PDE10A: variants seen among roughly 807,000 people sequenced by gnomAD.
PDE10A encodes the protein cAMP and cAMP-inhibited cGMP 3',5'-cyclic phosphodiesterase 10A.
A neutral mutation model predicts 97.7 loss-of-function variants in PDE10A; 39 were observed. The observed-to-expected ratio is 0.40, with a 90% CI of 0.31 to 0.52. The LOEUF (loss-of-function observed/expected upper bound fraction) is 0.52, where lower values mean the gene tolerates loss of function less well. Among genes scored for constraint, PDE10A ranks in the 20% least tolerant of loss-of-function variants. The pLI is 0.56. For synonymous variants in PDE10A, 371 were observed against 376.8 expected (o/e 0.98, Z 0.18); for missense variants, 731 against 1,047.8 (o/e 0.70, Z 4.17).
chr6:165,902,421 C>T (rs1782139033), intron 1 of PDE10A, among the ~76,000 whole-genome samples: 1 of 152,194 alleles, frequency 6.6e-6, no homozygotes, highest in African/African-American at 2.4e-5. Context: ...TGTTTTTTAT[C>T]CCAATTGGTG....
At chr6:165,681,224 A>T (rs1465518011) in intron 1 of PDE10A, among the ~76,000 whole-genome samples, 1 of 152,220 alleles carries the variant, frequency 6.6e-6, no homozygotes, top group African/African-American at 2.4e-5. Context: ...TGATTAAATC[A>T]CTTTTCCAGA....
chr6:165,594,841 A>G (rs540621110), intron 1 of PDE10A, among the ~76,000 whole-genome samples: 2 of 152,320 alleles, frequency 1.3e-5, no homozygotes, highest in East Asian at 3.9e-4. Context: ...CGCAATGGTA[A>G]TTTGTGCCAA....
At chr6:165,429,206 T>C (rs554173800) in intron 9 of PDE10A, among the ~76,000 whole-genome samples, 2 of 152,206 alleles carry the variant, frequency 1.3e-5, no homozygotes, top group South Asian at 2.1e-4. Context: ...ATACAAGTAA[T>C]GCTATGGATC....
intron 1 of PDE10A, among the ~76,000 whole-genome samples, chr6:165,555,242 C>G (rs945278455): frequency 6.6e-6 from 1 of 152,148 alleles, no homozygotes; most frequent in Non-Finnish European, 1.5e-5. Context: ...GTGCTTCTTT[C>G]ACATTGCATG....
At chr6:165,636,697 G>A (rs1788894839) in intron 1 of PDE10A, among the ~76,000 whole-genome samples, 1 of 152,220 alleles carries the variant, frequency 6.6e-6, no homozygotes, top group African/African-American at 2.4e-5. Flanking sequence ...AAACTGGATA[G>A]ACTGTTTATG....
At chr6:165,734,666 G>T (rs537409156) in intron 1 of PDE10A, among the ~76,000 whole-genome samples, 1 of 152,106 alleles carries the variant, frequency 6.6e-6, no homozygotes, top group Non-Finnish European at 1.5e-5. Context: ...GGACTGAGGC[G>T]TCCCCAGAGT....
intron 2 of PDE10A, among the ~76,000 whole-genome samples, chr6:165,493,007 T>C (rs1040075178): frequency 6.6e-6 from 1 of 152,100 alleles, no homozygotes; most frequent in African/African-American, 2.4e-5. Flanking sequence ...ACAAAATTAA[T>C]GTACACAAAT....
In PDE10A at chr6:165,662,006, T is replaced by G; in HGVS notation, c.806A>C (p.Asp269Ala). The G allele has an allele frequency of 6.8e-7, 1 of 1,480,992 alleles. No homozygotes were observed. Among genetic ancestry groups the G allele is most frequent in the South Asian group, 1.2e-5 (1 of 80,666 alleles). 91.7% of individuals were successfully genotyped at this position (1,480,992 alleles called of 1,614,324 possible). The change falls in exon 1 of 22, where the codon GAT becomes GCT. Residue 269 changes from aspartate to alanine, a missense_variant. Asp to Ala is a moderately radical substitution (Grantham distance 126). This residue lies in a region of PDE10A where 181 missense variants were observed against 159.1 expected (regional missense o/e 1.14). Coordinates refer to ENST00000539869, the MANE Select transcript of PDE10A (RefSeq NM_001385079.1). ...GCAGCTCGCATTATTAGAAGGTCCA[T>G]CTTCCATGTCGGAGCCGAAGAGCAG... is the stretch of plus-strand genomic sequence containing the variant. ...AALLFGSDME[D>A]GPSNNASCFR...
intron 18 of PDE10A, among the ~76,000 whole-genome samples, chr6:165,349,544 A>G (rs2128185412): frequency 6.6e-6 from 1 of 152,342 alleles, no homozygotes; most frequent in Non-Finnish European, 1.5e-5. Context: ...GGTAGAAAAG[A>G]AAAACCAATT....
chr6:165,549,751 A>G (rs1000086991), intron 1 of PDE10A, among the ~76,000 whole-genome samples: 1 of 152,224 alleles, frequency 6.6e-6, no homozygotes, highest in Non-Finnish European at 1.5e-5. Flanking sequence ...TTATCCTAAT[A>G]AGCCAAAGCC....
chr6:165,844,526 T>C (rs1780354267), intron 1 of PDE10A, among the ~76,000 whole-genome samples: 2 of 152,220 alleles, frequency 1.3e-5, no homozygotes, highest in Admixed American at 1.3e-4. Flanking sequence ...CACCCTCTAA[T>C]TGAACCTGAG....
chr6:165,436,788 A>G (rs1003574146), intron 5 of PDE10A, among the ~76,000 whole-genome samples: 1 of 152,192 alleles, frequency 6.6e-6, no homozygotes, highest in Non-Finnish European at 1.5e-5. Context: ...CTATAATTAC[A>G]TTAGGCACCA....
At chr6:165,490,091 A>G (rs888736734) in intron 2 of PDE10A, among the ~76,000 whole-genome samples, 2 of 152,258 alleles carry the variant, frequency 1.3e-5, no homozygotes, top group Non-Finnish European at 2.9e-5. Context: ...AGAAGGTCAA[A>G]GAACACCTGA....
In PDE10A at chr6:165,388,376, G is replaced by A. The variant is rs139267725; in HGVS notation, c.2532C>T (p.Phe844=). ...AGTAGAGAGCGGCCAGAGGGTGGTC[G>A]AACTTCTGCAGGTAGCTGTTACTGA... is the stretch of plus-strand genomic sequence containing the variant. The part of the protein sequence containing the change: ...RGFSNSYLQK[F]DHPLAALYST... The change falls in exon 17 of 22, where the codon TTC becomes TTT. Residue 844 remains phenylalanine (F), a synonymous_variant. Coordinates refer to ENST00000539869, the MANE Select transcript of PDE10A (RefSeq NM_001385079.1). This position sits in a 1 kb window ranked among gnomAD's most constrained non-coding sequence, Gnocchi z 4.0. 3.7e-4 allele frequency: 605 copies of A among 1,614,038 alleles called. 3 individuals carry two copies. The Middle Eastern group carries it at 0.012, about 32-fold the overall frequency.
intron 2 of PDE10A, among the ~76,000 whole-genome samples, chr6:165,495,935 A>T (rs1562520752): frequency 6.6e-6 from 1 of 152,164 alleles, no homozygotes; most frequent in Non-Finnish European, 1.5e-5. Context: ...CTGTCAATAA[A>T]CTTGATAAAT....
intron 18 of PDE10A, among the ~76,000 whole-genome samples, chr6:165,363,351 C>T (rs1203060580): frequency 1.3e-5 from 2 of 151,904 alleles, no homozygotes; most frequent in African/African-American, 4.8e-5. Context: ...CCCGTCTCTA[C>T]TAAAAATACA....
intron 1 of PDE10A, among the ~76,000 whole-genome samples, chr6:165,921,647 A>G (rs1782755895): frequency 6.6e-6 from 1 of 152,210 alleles, no homozygotes; most frequent in Non-Finnish European, 1.5e-5. Context: ...ATACCTGGAA[A>G]GAGGCTGTTC....
At chr6:165,488,029 CAAAA>C (rs58319021) in intron 2 of PDE10A, among the ~76,000 whole-genome samples, 2,153 of 83,286 alleles carry the variant, frequency 0.026, 35 homozygotes, top group African/African-American at 0.071. Flanking sequence ...AACAAATTGG[CAAAA>C]AAAAAAAAAA....
intron 2 of PDE10A, among the ~76,000 whole-genome samples, chr6:165,540,605 G>A (rs1253882205): frequency 6.6e-6 from 1 of 152,092 alleles, no homozygotes; most frequent in Non-Finnish European, 1.5e-5. Context: ...GAAGCAACGT[G>A]GAAGGAGAAT....
Sources: allele counts gnomAD v4.1 joint callset (sites outside exome capture counted in the v4.1 genomes callset), GRCh38; gene constraint gnomAD v4.1.1; regional missense constraint gnomAD v4.1.1; non-coding constraint Gnocchi (gnomAD v3.1); transcripts MANE v1.5; gene names NCBI Gene and HGNC (gene_info 2026-07-23, HGNC 2026-07-21).